NRG2: variants seen among roughly 807,000 people sequenced by gnomAD.
NRG2 encodes the protein neuregulin 2, also known as pro-neuregulin-2, membrane-bound isoform.
A neutral mutation model predicts 73.9 loss-of-function variants in NRG2; 27 were observed. The observed-to-expected ratio is 0.37, with a 90% CI of 0.27 to 0.50. The LOEUF (loss-of-function observed/expected upper bound fraction) is 0.50, where lower values mean the gene tolerates loss of function less well. Among genes scored for constraint, NRG2 ranks in the 20% least tolerant of loss-of-function variants. NRG2 has a pLI of 0.96. For missense variants in NRG2, 1,126 were observed against 1,210.1 expected (o/e 0.93, Z 1.03); for synonymous variants, 532 against 541.0 (o/e 0.98, Z 0.23).
chr5:139,906,676 C>T (rs1765252519), intron 1 of NRG2, among the ~76,000 whole-genome samples: 1 of 152,168 alleles, frequency 6.6e-6, no homozygotes, highest in South Asian at 2.1e-4. Context: ...TACGTAAAGG[C>T]TGGTGGGGAT....
At chr5:140,013,182 G>A (rs897834911) in intron 1 of NRG2, among the ~76,000 whole-genome samples, 3 of 152,036 alleles carry the variant, frequency 2.0e-5, no homozygotes, top group Admixed American at 6.6e-5. Flanking sequence ...TGCATCTGTC[G>A]GCATCCATAT....
chr5:139,893,765 T>A (rs1163003602), intron 1 of NRG2, among the ~76,000 whole-genome samples: 1 of 152,032 alleles, frequency 6.6e-6, no homozygotes, highest in Non-Finnish European at 1.5e-5. Flanking sequence ...TGTGGGGAGG[T>A]CTCCCTTGGC....
In NRG2 at chr5:139,904,217, A is replaced by G. The variant is rs1765069509; in HGVS notation, c.701-16706T>C. On this transcript the variant is annotated intron_variant, in intron 1 of 9. Transcript: ENST00000361474. The surrounding 1 kb of genome is among the most constrained non-coding windows in gnomAD (Gnocchi z 6.0). ...ACCGCGGCGGCCGCTAGCGCAGCCT[A>G]GACTCACCCGCGCTGCGCTGGGGGC... The G allele has an allele frequency of 1.4e-6, 2 of 1,417,200 alleles. No homozygotes were observed. The highest frequency in any genetic ancestry group is 1.9e-6 in the Non-Finnish European group (2 of 1,064,342). The allele number at this position is 1,417,200 out of a possible 1,614,324, so 87.8% of individuals were successfully genotyped here. A position where few individuals can be genotyped will look rare whatever the true frequency, so the allele number is the denominator to read the frequency against.
intron 1 of NRG2, among the ~76,000 whole-genome samples, chr5:140,039,585 C>T (rs985458962): frequency 2.6e-4 from 39 of 152,156 alleles, no homozygotes; most frequent in Non-Finnish European, 4.0e-4. Context: ...ATGGTGGAAA[C>T]GAGCCATTTA....
chr5:139,890,125 A>G (rs928112132), intron 1 of NRG2, among the ~76,000 whole-genome samples: 1 of 152,108 alleles, frequency 6.6e-6, no homozygotes, highest in Non-Finnish European at 1.5e-5. Context: ...TTTTTTCCAC[A>G]CACTCACCAA....
At chr5:139,971,313 T>C (rs1270142384) in intron 1 of NRG2, among the ~76,000 whole-genome samples, 1 of 152,226 alleles carries the variant, frequency 6.6e-6, no homozygotes, top group Non-Finnish European at 1.5e-5. Flanking sequence ...GTAAGTCATC[T>C]TCCTGGCATC....
chr5:139,971,229 T>A (rs940050175), intron 1 of NRG2, among the ~76,000 whole-genome samples: 1 of 152,178 alleles, frequency 6.6e-6, no homozygotes, highest in Non-Finnish European at 1.5e-5. Flanking sequence ...TCAATTTCAT[T>A]TTAACACCCT....
intron 1 of NRG2, among the ~76,000 whole-genome samples, chr5:139,981,295 G>A (rs1426622549): frequency 2.0e-5 from 3 of 152,274 alleles, no homozygotes; most frequent in African/African-American, 7.2e-5. Flanking sequence ...AGGTGGCTTG[G>A]AGCACTGTTC....
intron 1 of NRG2, among the ~76,000 whole-genome samples, chr5:139,981,340 T>C (rs1756784108): frequency 6.6e-6 from 1 of 152,002 alleles, no homozygotes. Flanking sequence ...GGCAGGAAAA[T>C]GTAGCCCACT....
intron 1 of NRG2, among the ~76,000 whole-genome samples, chr5:139,923,568 G>C (rs947056069): frequency 6.6e-6 from 1 of 152,142 alleles, no homozygotes; most frequent in Non-Finnish European, 1.5e-5. Context: ...TCCAACAAAA[G>C]GTTTCGATGG....
intron 1 of NRG2, among the ~76,000 whole-genome samples, chr5:140,010,049 A>G (rs530120884): frequency 2.6e-5 from 4 of 152,254 alleles, no homozygotes; most frequent in Non-Finnish European, 5.9e-5. Context: ...TGTAATCCCA[A>G]CACTCTGAGA....
Position 139,904,225 on chromosome 5 carries a change from C to T in NRG2, c.701-16714G>A. The T allele has an allele frequency of 6.8e-7, 1 of 1,472,684 alleles. No individual in the cohort carries two copies. Among genetic ancestry groups the T allele is most frequent in the Non-Finnish European group, 9.0e-7 (1 of 1,106,450 alleles). The allele number at this position is 1,472,684 out of a possible 1,614,324, so 91.2% of individuals were successfully genotyped here. A position where few individuals can be genotyped will look rare whatever the true frequency, so the allele number is the denominator to read the frequency against. On this transcript the variant is annotated intron_variant, in intron 1 of 9. Transcript: ENST00000361474. This position sits in a 1 kb window ranked among gnomAD's most constrained non-coding sequence, Gnocchi z 6.0. ...GGCCGCTAGCGCAGCCTAGACTCACCCGCGCTGCGCTGGGGGCGGGTGAGC... is the reference window on the plus strand; with the variant it reads ...GGCCGCTAGCGCAGCCTAGACTCACTCGCGCTGCGCTGGGGGCGGGTGAGC...
Position 139,855,841 on chromosome 5 carries a change from C to G in NRG2, c.1190-63G>C. The G allele has an allele frequency of 3.0e-6, 4 of 1,319,022 alleles. No homozygotes were observed. In the South Asian group the frequency reaches 3.5e-5, roughly 12 times the overall value. The allele number at this position is 1,319,022 out of a possible 1,614,324, so 81.7% of individuals were successfully genotyped here. On this transcript the variant is annotated intron_variant, in intron 5 of 9. Coordinates refer to ENST00000361474, the MANE Select transcript of NRG2 (RefSeq NM_004883.3). ...GGCAAACCCCATAGGGATAGTGGTG[C>G]AGAGACCCCTTTGCCCCCAAAGCCA... is the stretch of plus-strand genomic sequence containing the variant.
At chr5:139,888,405 C>G (rs1433552705) in intron 1 of NRG2, among the ~76,000 whole-genome samples, 1 of 152,190 alleles carries the variant, frequency 6.6e-6, no homozygotes, top group Non-Finnish European at 1.5e-5. Flanking sequence ...TCAAGATTTG[C>G]CACGTGTTAG....
intron 1 of NRG2, among the ~76,000 whole-genome samples, chr5:139,914,173 A>T (rs1751061645): frequency 6.6e-6 from 1 of 152,174 alleles, no homozygotes; most frequent in Non-Finnish European, 1.5e-5. Context: ...AATAATAATA[A>T]AAATGACCTG....
At position 139,903,466 on chromosome 5, in the gene NRG2, C is replaced by T. The variant is rs559513928; in HGVS notation, c.701-15955G>A. Among the ~76,000 whole-genome samples, 9 of 152,272 alleles carry T rather than the reference C, an allele frequency of 5.9e-5. No individual in the cohort carries two copies. In the South Asian group the frequency reaches 1.9e-3, roughly 32 times the overall value. On this transcript the variant is annotated intron_variant, in intron 1 of 9. Transcript: ENST00000361474. Reference sequence around the variant, plus strand: ...AAAACGCTTGCCTGAAGAAAAGAACCGAGAATCCAGGGTTTCCCCAATTGG... The same window carrying T: ...AAAACGCTTGCCTGAAGAAAAGAACTGAGAATCCAGGGTTTCCCCAATTGG...
chr5:140,016,701 T>C (rs1489161814), intron 1 of NRG2, among the ~76,000 whole-genome samples: 13 of 152,236 alleles, frequency 8.5e-5, no homozygotes, highest in Non-Finnish European at 1.5e-5. Context: ...TCTGGGATTC[T>C]AGAAAAACCT....
chr5:139,850,099 C>T (rs1175020320), intron 9 of NRG2, among the ~76,000 whole-genome samples: 1 of 152,244 alleles, frequency 6.6e-6, no homozygotes, highest in Non-Finnish European at 1.5e-5. Flanking sequence ...TTCCTGCTCT[C>T]CTGCCTCTCC....
intron 1 of NRG2, among the ~76,000 whole-genome samples, chr5:140,031,291 A>G (rs986613898): frequency 2.0e-5 from 3 of 152,200 alleles, no homozygotes; most frequent in African/African-American, 4.8e-5. Context: ...AGCCTCAGGT[A>G]AGAGAGGGTC....
Sources: gnomAD v4.1 joint callset for allele counts (sites outside exome capture counted in the v4.1 genomes callset) on GRCh38, gnomAD v4.1.1 for gene constraint, Gnocchi (gnomAD v3.1) non-coding constraint, MANE v1.5 for transcripts, NCBI Gene and HGNC (gene_info 2026-07-23, HGNC 2026-07-21) for gene names.